The following ABR variants were observed in gnomAD, a reference collection of about 807,000 sequenced individuals.
ABR encodes the protein ABR activator of RhoGEF and GTPase, also known as active breakpoint cluster region-related protein.
Under a neutral mutation model 107.2 loss-of-function variants are expected in ABR, and 35 were observed. The observed-to-expected ratio is 0.33, with a 90% CI of 0.25 to 0.43. The LOEUF (loss-of-function observed/expected upper bound fraction) is 0.43, where lower values mean the gene tolerates loss of function less well. Among genes scored for constraint, ABR ranks in the 20% least tolerant of loss-of-function variants. The pLI is 1.00. For missense variants in ABR, 815 were observed against 1,115.2 expected (o/e 0.73, Z 3.83); for synonymous variants, 498 against 462.0 (o/e 1.08, Z -1.00).
intron 2 of ABR, among the ~76,000 whole-genome samples, chr17:1,107,780 G>C (rs2038359981): frequency 6.6e-6 from 1 of 152,242 alleles, no homozygotes; most frequent in South Asian, 2.1e-4. Context: ...AGAGAAGACA[G>C]GGTGGGGTGC....
intron 21 of ABR, among the ~76,000 whole-genome samples, chr17:1,008,477 T>C (rs1330425140): frequency 1.3e-5 from 2 of 152,168 alleles, no homozygotes; most frequent in African/African-American, 4.8e-5. Flanking sequence ...GGGGCCCAGA[T>C]GTGGGAACAG....
rs902592568 is a variant in ABR, at chr17:1,051,312, G to A, written c.1562-678C>T. On this transcript the variant is annotated intron_variant, in intron 14 of 22. Transcript: ENST00000302538. This position sits in a 1 kb window ranked among gnomAD's most constrained non-coding sequence, Gnocchi z 4.3. ...TGTGGAGAGAAGCCTGGGTTTTCCT[G>A]CCTGCCGGTGTACCCGCAGTACCAA... Among the ~76,000 whole-genome samples the A allele has an allele frequency of 1.3e-5, 2 of 152,144 alleles. No homozygotes were observed. Among genetic ancestry groups the A allele is most frequent in the African/African-American group, 4.8e-5 (2 of 41,426 alleles).
chr17:1,134,225 C>T (rs1163248414), intron 1 of ABR, among the ~76,000 whole-genome samples: 2 of 152,052 alleles, frequency 1.3e-5, no homozygotes, highest in African/African-American at 4.8e-5. Context: ...CCAGCCTGCT[C>T]AACATGATGA....
chr17:1,079,112 C>G (rs1212222571), intron 6 of ABR: 1 of 1,436,296 alleles, frequency 7.0e-7, no homozygotes, highest in Non-Finnish European at 9.1e-7. Flanking sequence ...AAGAGGAGCA[C>G]GTTTGTAGCT....
At chr17:1,116,748 C>T (rs2039007211) in intron 2 of ABR, among the ~76,000 whole-genome samples, 1 of 152,202 alleles carries the variant, frequency 6.6e-6, no homozygotes, top group Non-Finnish European at 1.5e-5. Context: ...GGGGGCAGCC[C>T]CATGGCTGGA....
At chr17:1,095,211 A>G (rs2037330478) in intron 3 of ABR, among the ~76,000 whole-genome samples, 1 of 152,138 alleles carries the variant, frequency 6.6e-6, no homozygotes, top group Non-Finnish European at 1.5e-5. Flanking sequence ...CTCATCTGCC[A>G]CCCACACGAA....
At chr17:1,043,716 A>C (rs1037758134) in intron 16 of ABR, among the ~76,000 whole-genome samples, 40 of 152,120 alleles carry the variant, frequency 2.6e-4, no homozygotes, top group Non-Finnish European at 2.2e-4. Context: ...GCGGTGGCTC[A>C]CACTCCCTTC....
In ABR at chr17:1,179,884, A is replaced by AGGG. The variant is rs1421821329; in HGVS notation, c.-160_-158dup. ...GGGAGGAGCGCGGGGCGGCCGGGGC[A>AGGG]GGGGCGAGGGCGGGGCGGGAGCCCC... On this transcript the variant is annotated 5_prime_UTR_variant, in exon 1 of 23. Coordinates refer to ENST00000302538, the MANE Select transcript of ABR (RefSeq NM_021962.5). This position sits in a 1 kb window ranked among gnomAD's most constrained non-coding sequence, Gnocchi z 4.9. 4.2e-6 allele frequency: 2 copies of AGGG among 476,394 alleles called. No homozygotes were observed. Among genetic ancestry groups the AGGG allele is most frequent in the East Asian group, 1.1e-4 (2 of 18,032 alleles). The allele number at this position is 476,394 out of a possible 1,614,324, so 29.5% of individuals were successfully genotyped here.
rs368788344 is a variant in ABR, at chr17:1,092,545, C to G, written c.346-695G>C. 5.3e-5 allele frequency among the ~76,000 whole-genome samples: 8 copies of G among 152,212 alleles called. No homozygotes were observed. Among genetic ancestry groups the G allele is most frequent in the South Asian group, 2.1e-4 (1 of 4,822 alleles). ...CCTGCCAGTGTAGACGGTGAGGTGGCAGATAACACAGACCAACCCCCAGCA... is the reference window on the plus strand; with the variant it reads ...CCTGCCAGTGTAGACGGTGAGGTGGGAGATAACACAGACCAACCCCCAGCA... On this transcript the variant is annotated intron_variant, in intron 3 of 22. Transcript: ENST00000302538. This position sits in a 1 kb window ranked among gnomAD's most constrained non-coding sequence, Gnocchi z 4.6.
intron 10 of ABR, among the ~76,000 whole-genome samples, chr17:1,062,654 A>G (rs1357288503): frequency 6.9e-6 from 1 of 144,658 alleles, no homozygotes; most frequent in Non-Finnish European, 1.6e-5. Flanking sequence ...ATGTTCCTCT[A>G]GACACTGTTG....
intron 1 of ABR, among the ~76,000 whole-genome samples, chr17:1,197,973 C>T (rs1353762791): frequency 2.0e-5 from 3 of 151,770 alleles, no homozygotes. Flanking sequence ...GGAACACTGC[C>T]GCTGCTGCTG....
intron 21 of ABR, 33 bp downstream of exon 21, chr17:1,009,646 T>G: frequency 6.4e-7 from 1 of 1,571,904 alleles, no homozygotes; most frequent in Non-Finnish European, 8.8e-7. Flanking sequence ...GAGGAGGGAC[T>G]GAGGAGGTGG....
intron 6 of ABR, among the ~76,000 whole-genome samples, chr17:1,075,914 C>T (rs1256891487): frequency 3.9e-5 from 6 of 152,028 alleles, no homozygotes; most frequent in African/African-American, 1.2e-4. Flanking sequence ...TGGTGGCAGG[C>T]GCCTATAATC....
chr17:1,015,396 C>T (rs966185454), intron 16 of ABR, among the ~76,000 whole-genome samples: 5 of 140,898 alleles, frequency 3.5e-5, no homozygotes, highest in East Asian at 2.1e-4. Flanking sequence ...TCCAGCCTGG[C>T]GACAGAGTGA....
At chr17:1,017,554 G>A (rs951139205) in intron 16 of ABR, among the ~76,000 whole-genome samples, 18 of 140,156 alleles carry the variant, frequency 1.3e-4, no homozygotes, top group Admixed American at 8.4e-4. Flanking sequence ...ACTGCAACCC[G>A]TCTCCCAGGT....
At chr17:1,178,909 C>A (rs1268183834) in intron 1 of ABR, among the ~76,000 whole-genome samples, 3 of 151,940 alleles carry the variant, frequency 2.0e-5, no homozygotes, top group Non-Finnish European at 2.9e-5. Flanking sequence ...ACACCATTAC[C>A]CGTGATCAGT....
Position 1,030,412 on chromosome 17 carries a change from G to A in ABR, c.1792-17248C>T, listed in dbSNP as rs530384660. On this transcript the variant is annotated intron_variant, in intron 16 of 22. Coordinates refer to ENST00000302538, the MANE Select transcript of ABR (RefSeq NM_021962.5). ...TGGCCTCAGCAGGGGCTGGGGAGGG[G>A]ATGAGTCCACGCTGCCGGGCACAGA... is the stretch of plus-strand genomic sequence containing the variant. 3.3e-5 allele frequency among the ~76,000 whole-genome samples: 5 copies of A among 152,332 alleles called. No individual in the cohort carries two copies. The East Asian group carries it at 9.7e-4, about 29-fold the overall frequency.
chr17:1,026,473 C>T (rs972582510), intron 16 of ABR, among the ~76,000 whole-genome samples: 2 of 152,320 alleles, frequency 1.3e-5, no homozygotes, highest in Non-Finnish European at 1.5e-5. Flanking sequence ...CTCCAGATTT[C>T]GGCTCAGGAG....
At position 1,010,882 on chromosome 17, in the gene ABR, G is replaced by T; in HGVS notation, c.2102-19C>A. ...TTGTTATCTGCAGGGGTGGGGCCGAGGTCAGGCAGCCTTAGCTGGGCCAGC... is the reference window on the plus strand; with the variant it reads ...TTGTTATCTGCAGGGGTGGGGCCGATGTCAGGCAGCCTTAGCTGGGCCAGC... On this transcript the variant is annotated intron_variant, in intron 19 of 22. Transcript: ENST00000302538. This position sits in a 1 kb window ranked among gnomAD's most constrained non-coding sequence, Gnocchi z 4.1. The T allele has an allele frequency of 6.2e-7, 1 of 1,612,626 alleles. No individual in the cohort carries two copies. The highest frequency in any genetic ancestry group is 1.1e-5 in the South Asian group (1 of 91,054).
Sources: gnomAD v4.1 joint callset for allele counts (sites outside exome capture counted in the v4.1 genomes callset) on GRCh38, gnomAD v4.1.1 for gene constraint, Gnocchi (gnomAD v3.1) non-coding constraint, MANE v1.5 for transcripts, NCBI Gene and HGNC (gene_info 2026-07-23, HGNC 2026-07-21) for gene names.